The following MFSD6 variants were observed in gnomAD, a reference collection of about 807,000 sequenced individuals.
The protein encoded by MFSD6 is major facilitator superfamily domain-containing protein 6.
A neutral mutation model predicts 56.3 loss-of-function variants in MFSD6; 26 were observed. That is an observed-to-expected ratio of 0.46 (90% CI 0.34 to 0.64). The LOEUF is 0.64. Among genes scored for constraint, MFSD6 ranks in the 30% least tolerant of loss-of-function variants. MFSD6 has a pLI of 0.01. For synonymous variants in MFSD6, 331 were observed against 366.9 expected, an observed-to-expected ratio of 0.90 and a Z score of 1.12; for missense variants, 750 against 986.2, an observed-to-expected ratio of 0.76 and a Z score of 3.21.
At chr2:190,470,317 C>A (rs1413750917) in intron 4 of MFSD6, among the ~76,000 whole-genome samples, 2 of 152,078 alleles carry the variant, frequency 1.3e-5, no homozygotes. Flanking sequence ...TATAGCCACA[C>A]CGTTGTTTTT....
rs1255994410 is a variant in MFSD6 at position 190,417,696 on chromosome 2, G to A, written c.-54+2283G>A. Among the ~76,000 whole-genome samples, 1 of 151,996 alleles carries A rather than the reference G, an allele frequency of 6.6e-6. No homozygotes were observed. The highest frequency in any genetic ancestry group is 1.5e-5 in the Non-Finnish European group (1 of 68,002). On this transcript the variant is annotated intron_variant, in intron 2 of 7. Transcript: ENST00000392328. The surrounding 1 kb of genome is among the most constrained non-coding windows in gnomAD (Gnocchi z 5.7). ...GGCCTCATGTGCCCTTTAGTCTTGG[G>A]ATAAATCTTTTACGGATCCTCTGCT...
rs1254423457 is a variant in MFSD6 at position 190,497,423 on chromosome 2, A to C, written c.1892-16A>C. 6.2e-7 allele frequency: 1 copy of C among 1,606,590 alleles called. No individual in the cohort carries two copies. The highest frequency in any genetic ancestry group is 1.7e-5 in the Admixed American group (1 of 59,212). On this transcript the variant is annotated splice_polypyrimidine_tract_variant and intron_variant, in intron 6 of 7. Transcript: ENST00000392328. The surrounding 1 kb of genome is among the most constrained non-coding windows in gnomAD (Gnocchi z 5.2). ...AAAATGCTGAAAAAATAGTTTAAAC[A>C]TTCTTTTCTCTCCAGACAAGACAAT... is the stretch of plus-strand genomic sequence containing the variant.
rs1459669946 is a variant in MFSD6 at position 190,487,653 on chromosome 2, C to T, written c.1631-1004C>T. 1.3e-5 allele frequency among the ~76,000 whole-genome samples: 2 copies of T among 152,108 alleles called. No homozygotes were observed. Among genetic ancestry groups the T allele is most frequent in the East Asian group, 1.9e-4 (1 of 5,200 alleles). On this transcript the variant is annotated intron_variant, in intron 4 of 7. Coordinates refer to ENST00000392328, the MANE Select transcript of MFSD6 (RefSeq NM_017694.4). This position sits in a 1 kb window ranked among gnomAD's most constrained non-coding sequence, Gnocchi z 5.5. ...GGCCAATAAACACCTAAAAGGTGCTCGACATCACTAGCTATTAGGGGAAAG... is the reference window on the plus strand; with the variant it reads ...GGCCAATAAACACCTAAAAGGTGCTTGACATCACTAGCTATTAGGGGAAAG...
In MFSD6 at chr2:190,485,582, C is replaced by T. The variant is rs1313038479; in HGVS notation, c.1631-3075C>T. On this transcript the variant is annotated intron_variant, in intron 4 of 7. Transcript: ENST00000392328. This position sits in a 1 kb window ranked among gnomAD's most constrained non-coding sequence, Gnocchi z 5.1. ...ATGTGAAAAGAAATGGACTTAGCATCATCTTTAATAATAGAAATGAAAATA... is the reference window on the plus strand; with the variant it reads ...ATGTGAAAAGAAATGGACTTAGCATTATCTTTAATAATAGAAATGAAAATA... Among the ~76,000 whole-genome samples the T allele has an allele frequency of 6.6e-6, 1 of 151,994 alleles. No homozygotes were observed. Among genetic ancestry groups the T allele is most frequent in the East Asian group, 1.9e-4 (1 of 5,194 alleles).
chr2:190,426,418 GT>G lies in MFSD6; in HGVS notation c.-53-9551del, dbSNP rs373815831. Among the ~76,000 whole-genome samples the G allele has an allele frequency of 6.6e-6, 1 of 151,520 alleles. No homozygotes were observed. The highest frequency in any genetic ancestry group is 6.6e-5 in the Admixed American group (1 of 15,206). ...TTCCATTTCTTTGCTGAGACTTTCT[GT>G]TTTTTTTGTTTTGTTTCAAGCATGT... On this transcript the variant is annotated intron_variant, in intron 2 of 7. Coordinates refer to ENST00000392328, the MANE Select transcript of MFSD6 (RefSeq NM_017694.4). The surrounding 1 kb of genome is among the most constrained non-coding windows in gnomAD (Gnocchi z 4.7).
intron 4 of MFSD6, among the ~76,000 whole-genome samples, chr2:190,479,593 C>T (rs1179698530): frequency 6.6e-6 from 1 of 152,180 alleles, no homozygotes; most frequent in Non-Finnish European, 1.5e-5. Flanking sequence ...TATTCTCCTT[C>T]CTCTGTGGGT....
chr2:190,411,158 GTAGTTTTT>G, intron 1 of MFSD6: 2 of 913,686 alleles, frequency 2.2e-6, no homozygotes, highest in Non-Finnish European at 2.6e-6. Context: ...ACTGTTGACA[GTAGTTTTT>G]TTTTTTTTTT....
rs767451103 is a variant in MFSD6, at chr2:190,437,309, C to G, written c.1280C>G (p.Thr427Arg). The change falls in exon 3 of 8, where the codon ACA (threonine) becomes AGA (arginine). Residue 427 changes from threonine (T) to arginine (R), a missense_variant. Transcript: ENST00000392328. The surrounding 1 kb of genome is among the most constrained non-coding windows in gnomAD (Gnocchi z 5.9). Reference protein sequence around the residue: ...TESSEETPTTTSHSQAFNFWD... With the variant: ...TESSEETPTTRSHSQAFNFWD... The stretch of plus-strand genomic sequence containing the variant: ...TCCTCTGAGGAGACACCAACCACCA[C>G]AAGCCACTCGCAGGCCTTCAACTTT... The G allele has an allele frequency of 3.8e-5, 61 of 1,614,234 alleles. No homozygotes were observed. Among genetic ancestry groups the G allele is most frequent in the Non-Finnish European group, 5.2e-5 (61 of 1,180,042 alleles).
At chr2:190,474,545 A>G (rs1436579144) in intron 4 of MFSD6, among the ~76,000 whole-genome samples, 1 of 152,218 alleles carries the variant, frequency 6.6e-6, no homozygotes, top group African/African-American at 2.4e-5. Flanking sequence ...ATAGACCAAT[A>G]AAAGGCTCTG....
At position 190,498,475 on chromosome 2, in the gene MFSD6, C is replaced by T. The variant is rs1474808895; in HGVS notation, c.2172+756C>T. ...AAATAAGGGTCATTTGAGTAATTCC[C>T]CTTTCAGAAAATTTGTTGAACTGTT... On this transcript the variant is annotated intron_variant, in intron 7 of 7. Transcript: ENST00000392328. The surrounding 1 kb of genome is among the most constrained non-coding windows in gnomAD (Gnocchi z 5.9). Among the ~76,000 whole-genome samples the T allele has an allele frequency of 6.6e-6, 1 of 152,032 alleles. No individual in the cohort carries two copies. The highest frequency in any genetic ancestry group is 1.5e-5 in the Non-Finnish European group (1 of 67,996).
At position 190,416,235 on chromosome 2, in the gene MFSD6, G is replaced by T. The variant is rs1048455371; in HGVS notation, c.-54+822G>T. 6.6e-6 allele frequency among the ~76,000 whole-genome samples: 1 copy of T among 152,112 alleles called. No homozygotes were observed. The highest frequency in any genetic ancestry group is 1.5e-5 in the Non-Finnish European group (1 of 68,024). On this transcript the variant is annotated intron_variant, in intron 2 of 7. Transcript: ENST00000392328. This position sits in a 1 kb window ranked among gnomAD's most constrained non-coding sequence, Gnocchi z 4.1. ...TCCACAAAGTGAAAGTGAAAATCTA[G>T]TTGGTCTTTATTACTAAAGTCATCT...
intron 1 of MFSD6, among the ~76,000 whole-genome samples, chr2:190,409,404 C>G (rs1381305496): frequency 6.6e-6 from 1 of 152,110 alleles, no homozygotes; most frequent in Non-Finnish European, 1.5e-5. Flanking sequence ...ACTACTGGAA[C>G]ATATAATACC....
chr2:190,472,134 T>A (rs937697052), intron 4 of MFSD6, among the ~76,000 whole-genome samples: 5 of 151,876 alleles, frequency 3.3e-5, no homozygotes, highest in African/African-American at 1.2e-4. Context: ...ACCACAAAGA[T>A]GGGGAAAAAA....
intron 2 of MFSD6, among the ~76,000 whole-genome samples, chr2:190,427,335 C>G (rs898817736): frequency 6.6e-6 from 1 of 152,158 alleles, no homozygotes; most frequent in Non-Finnish European, 1.5e-5. Flanking sequence ...TTGTAGGCTC[C>G]CTGCTCAGCC....
In MFSD6 at chr2:190,499,489, T is replaced by C. The variant is rs1379370054; in HGVS notation, c.2173-526T>C. 1.3e-5 allele frequency among the ~76,000 whole-genome samples: 2 copies of C among 152,252 alleles called. No individual in the cohort carries two copies. The highest frequency in any genetic ancestry group is 1.9e-4 in the East Asian group (1 of 5,202). On this transcript the variant is annotated intron_variant, in intron 7 of 7. Coordinates refer to ENST00000392328, the MANE Select transcript of MFSD6 (RefSeq NM_017694.4). This position sits in a 1 kb window ranked among gnomAD's most constrained non-coding sequence, Gnocchi z 6.0. Reference sequence around the variant, plus strand: ...TTCTTTATGTGGATGTTCTGTCTTATCTAACTTTTGGTGCACATTTTGAAA... The same window carrying C: ...TTCTTTATGTGGATGTTCTGTCTTACCTAACTTTTGGTGCACATTTTGAAA...
chr2:190,465,658 T>G lies in MFSD6; in HGVS notation c.1533-4100T>G, dbSNP rs1433571453. ...TATTAGAGTGAATGTGTTCATTTGC[T>G]TGGGTTACCACAAAGTACCACGGTC... is the stretch of plus-strand genomic sequence containing the variant. On this transcript the variant is annotated intron_variant, in intron 3 of 7. Coordinates refer to ENST00000392328, the MANE Select transcript of MFSD6 (RefSeq NM_017694.4). The surrounding 1 kb of genome is among the most constrained non-coding windows in gnomAD (Gnocchi z 4.6). 6.6e-6 allele frequency among the ~76,000 whole-genome samples: 1 copy of G among 152,228 alleles called. No individual in the cohort carries two copies. Among genetic ancestry groups the G allele is most frequent in the Non-Finnish European group, 1.5e-5 (1 of 68,046 alleles).
chr2:190,420,100 A>G (rs1381484255), intron 2 of MFSD6, among the ~76,000 whole-genome samples: 1 of 142,748 alleles, frequency 7.0e-6, no homozygotes, highest in East Asian at 2.0e-4. Context: ...AGACATTAAA[A>G]ACAAAATATT....
chr2:190,412,568 A>G lies in MFSD6; in HGVS notation c.-175-2724A>G. The G allele has an allele frequency of 4.1e-6, 4 of 985,428 alleles. No homozygotes were observed. The highest frequency in any genetic ancestry group is 3.6e-6 in the Non-Finnish European group (3 of 829,928). The allele number at this position is 985,428 out of a possible 1,614,324, so 61.0% of individuals were successfully genotyped here. On this transcript the variant is annotated intron_variant, in intron 1 of 7. Coordinates refer to ENST00000392328, the MANE Select transcript of MFSD6 (RefSeq NM_017694.4). This position sits in a 1 kb window ranked among gnomAD's most constrained non-coding sequence, Gnocchi z 4.1. ...GCATTTTTGATTCCTGGGAAAAGCA[A>G]ACAAACACATCTGATGTCAATTCTG... is the stretch of plus-strand genomic sequence containing the variant.
intron 2 of MFSD6, among the ~76,000 whole-genome samples, chr2:190,419,644 T>C (rs1050460688): frequency 3.3e-5 from 5 of 152,388 alleles, no homozygotes; most frequent in Admixed American, 2.0e-4. Context: ...GGTTTCTTTC[T>C]TCAAAAGTTG....
Sources: allele counts gnomAD v4.1 joint callset (sites outside exome capture counted in the v4.1 genomes callset), GRCh38; gene constraint gnomAD v4.1.1; non-coding constraint Gnocchi (gnomAD v3.1); transcripts MANE v1.5; gene names NCBI Gene and HGNC (gene_info 2026-07-23, HGNC 2026-07-21).